Variants in RBPJL observed in about 807,000 individuals in gnomAD.
RBPJL encodes recombination signal binding protein for immunoglobulin kappa J region like, also known as recombining binding protein suppressor of hairless-like protein.
Under a neutral mutation model 57.6 loss-of-function variants are expected in RBPJL, and 50 were observed. That is an observed-to-expected ratio of 0.87 (90% CI 0.69 to 1.10). The LOEUF (loss-of-function observed/expected upper bound fraction) is 1.10, where lower values mean the gene tolerates loss of function less well. Ranked by LOEUF, RBPJL falls within the 50% of genes least tolerant of loss-of-function variation. The probability of loss-of-function intolerance (pLI) is 0.00; values close to 1 mark genes in which losing one functional copy is unlikely to be tolerated. For synonymous variants in RBPJL, 303 were observed against 294.4 expected (o/e 1.03, Z -0.30); for missense variants, 684 against 693.7 (o/e 0.99, Z 0.16).
At chr20:45,313,935 A>T in intron 7 of RBPJL, 100 bp from the exon 8 acceptor site, 1 of 855,066 alleles carries the variant, frequency 1.2e-6, no homozygotes, top group Non-Finnish European at 1.9e-6. Flanking sequence ...CGCAGGGCCC[A>T]TGTGTGATGT....
chr20:45,308,383 C>T, intron 2 of RBPJL, 132 bp downstream of exon 2: 1 of 631,438 alleles, frequency 1.6e-6, no homozygotes. Context: ...CTCCCACTGG[C>T]AGGGAGGGAT....
chr20:45,312,688 G>A (rs1028073861), intron 6 of RBPJL, among the ~76,000 whole-genome samples: 2 of 152,040 alleles, frequency 1.3e-5, no homozygotes, highest in Non-Finnish European at 2.9e-5. Flanking sequence ...TTGAACTAGG[G>A]ACAGACTAAA....
Position 45,314,157 on chromosome 20 carries a change from AG to A in RBPJL, c.867+16del. 1 of 1,604,938 alleles carries A rather than the reference AG, an allele frequency of 6.2e-7. No homozygotes were observed. Among genetic ancestry groups the A allele is most frequent in the Non-Finnish European group, 8.5e-7 (1 of 1,172,366 alleles). On this transcript the variant is annotated intron_variant, in intron 8 of 11. Coordinates refer to ENST00000343694, the MANE Select transcript of RBPJL (RefSeq NM_014276.4). ...ACTACCTCCCATGGTATAGGAAGGG[AG>A]GGCATGCCTGGAGGGGTCCCCTCAG...
chr20:45,317,384 A>G lies in RBPJL; in HGVS notation c.*425A>G, dbSNP rs969163506. On this transcript the variant is annotated 3_prime_UTR_variant, in exon 12 of 12. Transcript: ENST00000343694. ...GCCAAGTTTGGGACATTTACCCTCC[A>G]GGCATCTGTGTCCCCTCTTGAAGAG... 2.8e-5 allele frequency: 5 copies of G among 181,298 alleles called. No individual in the cohort carries two copies. The highest frequency in any genetic ancestry group is 4.7e-5 in the African/African-American group (2 of 42,308). The allele number at this position is 181,298 out of a possible 1,614,324, so 11.2% of individuals were successfully genotyped here.
Position 45,306,932 on chromosome 20 carries a change from G to T in RBPJL, c.10G>T (p.Ala4Ser), listed in dbSNP as rs1018084958. 2.4e-6 allele frequency: 3 copies of T among 1,255,574 alleles called. No homozygotes were observed. The highest frequency in any genetic ancestry group is 3.0e-6 in the Non-Finnish European group (3 of 992,158). The allele number at this position is 1,255,574 out of a possible 1,614,324, so 77.8% of individuals were successfully genotyped here. Residue 4 changes from alanine (A) to serine (S), a missense_variant, in exon 1 of 12, where the codon GCA becomes TCA. Ala to Ser is a moderately conservative substitution (Grantham distance 99, BLOSUM62 1). Coordinates refer to ENST00000343694, the MANE Select transcript of RBPJL (RefSeq NM_014276.4). ...GCCCCGTGGAGCCACCATGGACCCC[G>T]CAGGGGCAGCAGGTGAGCGCTTACC... MDP[A>S]GAADPSVPPN... is the part of the protein sequence containing the mutation.
chr20:45,311,727 C>A, intron 4 of RBPJL, 68 bp downstream of exon 4: 2 of 1,581,072 alleles, frequency 1.3e-6, no homozygotes. Context: ...GGGCCCGAGA[C>A]GGGGCGGTTC....
At chr20:45,311,975 G>A (rs1299392343) in intron 5 of RBPJL, 21 bp downstream of exon 5, 3 of 1,522,396 alleles carry the variant, frequency 2.0e-6, no homozygotes, top group East Asian at 2.5e-5. Flanking sequence ...ACGGGAAGGG[G>A]TCCGATTCCT....
chr20:45,311,477 AGCGG>A, intron 3 of RBPJL, 108 bp from the exon 4 acceptor site: 2 of 924,858 alleles, frequency 2.2e-6, no homozygotes, highest in Admixed American at 2.1e-5. Flanking sequence ...CGTTGCGGGG[AGCGG>A]GAGGAGGAAA....
At chr20:45,310,034 G>A (rs975976815) in intron 3 of RBPJL, among the ~76,000 whole-genome samples, 1 of 152,224 alleles carries the variant, frequency 6.6e-6, no homozygotes, top group African/African-American at 2.4e-5. Context: ...GAACAAGACA[G>A]AAACAGCCCC....
intron 9 of RBPJL, chr20:45,315,815 AAG>A (rs1163117747): frequency 6.4e-5 from 11 of 171,802 alleles, no homozygotes; most frequent in African/African-American, 2.6e-4. Context: ...AAAAGAAAGA[AAG>A]AAAGAAAAGA....
In RBPJL at chr20:45,317,165, T is replaced by A. The variant is rs1006410841; in HGVS notation, c.*206T>A. The A allele has an allele frequency of 8.3e-6, 5 of 605,738 alleles. No individual in the cohort carries two copies. In the Admixed American group the frequency reaches 1.2e-4, roughly 15 times the overall value. 37.5% of individuals were successfully genotyped at this position (605,738 alleles called of 1,614,324 possible). A position where few individuals can be genotyped will look rare whatever the true frequency, so the allele number is the denominator to read the frequency against. On this transcript the variant is annotated 3_prime_UTR_variant, in exon 12 of 12. Transcript: ENST00000343694. ...CACATACAGGAAGACAAGACCTGAGTGGTGCTGTCTTTGTGTCCGTCGTGT... is the reference window on the plus strand; with the variant it reads ...CACATACAGGAAGACAAGACCTGAGAGGTGCTGTCTTTGTGTCCGTCGTGT...
At position 45,312,413 on chromosome 20, in the gene RBPJL, T is replaced by C; in HGVS notation, c.619+18T>C. The C allele has an allele frequency of 6.2e-7, 1 of 1,606,046 alleles. No individual in the cohort carries two copies. The highest frequency in any genetic ancestry group is 8.5e-7 in the Non-Finnish European group (1 of 1,176,070). ...CACCGATCGTGAGCAGGGCGGGGCC[T>C]GACCCCCGGCCCGGGCGGGGAGGTG... On this transcript the variant is annotated intron_variant, in intron 6 of 11. Coordinates refer to ENST00000343694, the MANE Select transcript of RBPJL (RefSeq NM_014276.4).
Position 45,311,852 on chromosome 20 carries a change from G to A in RBPJL, c.342G>A (p.Gly114=), listed in dbSNP as rs1352490961. 1 of 1,551,830 alleles carries A rather than the reference G, an allele frequency of 6.4e-7. No homozygotes were observed. Among genetic ancestry groups the A allele is most frequent in the Non-Finnish European group, 8.7e-7 (1 of 1,147,018 alleles). The change falls in exon 5 of 12, where the codon GGG becomes GGA. Residue 114 remains glycine, a synonymous_variant. Transcript: ENST00000343694. The part of the protein sequence containing the change: ...KPGQDQAHQA[G]ETGPTVCGYM... ...GTCCCTTTCCAGCTCACCAGGCGGGGGAAACGGGGCCCACGGTCTGCGGTT... is the reference window on the plus strand; with the variant it reads ...GTCCCTTTCCAGCTCACCAGGCGGGAGAAACGGGGCCCACGGTCTGCGGTT...
intron 2 of RBPJL, 176 bp downstream of exon 2, chr20:45,308,427 A>G: frequency 1.7e-6 from 1 of 591,722 alleles, no homozygotes; most frequent in Non-Finnish European, 3.0e-6. Context: ...CAAACCCAGC[A>G]CCCCCTGCTC....
At chr20:45,315,904 AAAG>A (rs1196025136) in intron 9 of RBPJL, 177 of 357,318 alleles carry the variant, frequency 5.0e-4, no homozygotes, top group Non-Finnish European at 7.4e-4. Context: ...AGAAAGGAAA[AAAG>A]AGAGAGAAAG....
intron 6 of RBPJL, among the ~76,000 whole-genome samples, chr20:45,313,180 G>T (rs1181398442): frequency 6.6e-6 from 1 of 152,136 alleles, no homozygotes; most frequent in Admixed American, 6.5e-5. Context: ...GGCCGGCACA[G>T]GGACAGAAGA....
intron 9 of RBPJL, 64 bp downstream of exon 9, chr20:45,314,629 T>C: frequency 2.0e-6 from 3 of 1,502,204 alleles, no homozygotes; most frequent in Non-Finnish European, 2.7e-6. Flanking sequence ...AACCACAGAA[T>C]GTAAGATCAT....
Position 45,314,111 on chromosome 20 carries a change from C to G in RBPJL, c.834C>G (p.Val278=). 1 of 1,614,086 alleles carries G rather than the reference C, an allele frequency of 6.2e-7. No homozygotes were observed. Among genetic ancestry groups the G allele is most frequent in the East Asian group, 2.2e-5 (1 of 44,896 alleles). ...GCTATGGCTCCCTGGTGCAGCTCGT[C>G]TGCACGGTCACCGGCATCACACTAC... ...YVRYGSLVQL[V]CTVTGITLPP... Residue 278 remains valine (V), a synonymous_variant, in exon 8 of 12, where the codon GTC becomes GTG. Coordinates refer to ENST00000343694, the MANE Select transcript of RBPJL (RefSeq NM_014276.4).
chr20:45,316,470 C>A lies in RBPJL; in HGVS notation c.1177-7C>A. On this transcript the variant is annotated splice_region_variant and splice_polypyrimidine_tract_variant and intron_variant, in intron 10 of 11. Coordinates refer to ENST00000343694, the MANE Select transcript of RBPJL (RefSeq NM_014276.4). ...CTCTCACCTCACCTGGTCCCACCCT[C>A]CCCCAGCTGAGCGGCGGGGGCGACG... 1 of 1,549,532 alleles carries A rather than the reference C, an allele frequency of 6.5e-7. No individual in the cohort carries two copies. Among genetic ancestry groups the A allele is most frequent in the Non-Finnish European group, 8.7e-7 (1 of 1,146,562 alleles).
Sources: gnomAD v4.1 joint callset for allele counts (sites outside exome capture counted in the v4.1 genomes callset) on GRCh38, gnomAD v4.1.1 for gene constraint, MANE v1.5 for transcripts, NCBI Gene and HGNC (gene_info 2026-07-23, HGNC 2026-07-21) for gene names.